Variants in MAP2 observed in about 807,000 individuals in gnomAD.
The protein encoded by MAP2 is microtubule associated protein 2.
A neutral mutation model predicts 137.6 loss-of-function variants in MAP2; 14 were observed. The ratio of observed to expected loss-of-function variants is 0.10; its 90% CI spans 0.07 to 0.16. MAP2 has a LOEUF of 0.16. Among genes scored for constraint, MAP2 ranks in the 10% least tolerant of loss-of-function variants. The probability of loss-of-function intolerance (pLI) is 1.00; values close to 1 mark genes in which losing one functional copy is unlikely to be tolerated. For missense variants in MAP2, 2,088 were observed against 2,191.5 expected (o/e 0.95, Z 0.94); for synonymous variants, 786 against 782.3 (o/e 1.00, Z -0.08).
Position 209,434,943 on chromosome 2 carries a change from G to GTTATATATATGTTATATATATA in MAP2, c.-222+10668_-222+10669insTATATATATGTTATATATATAT, listed in dbSNP as rs1559157760. On this transcript the variant is annotated intron_variant, in intron 1 of 15. Coordinates refer to ENST00000682079, the MANE Select transcript of MAP2 (RefSeq NM_001375505.1). Reference sequence around the variant, plus strand: ...TGTTATATATATATGTTATATATATGTGTTTTATATATATAAAGCAAATCA... The same window carrying GTTATATATATGTTATATATATA: ...TGTTATATATATATGTTATATATATGTTATATATATGTTATATATATATGTTTTATATATATAAAGCAAATCA... Among the ~76,000 whole-genome samples, 90 of 128,474 alleles carry GTTATATATATGTTATATATATA rather than the reference G, an allele frequency of 7.0e-4. 10 individuals carry two copies. The highest frequency in any genetic ancestry group is 2.6e-3 in the African/African-American group (84 of 32,378). 84.3% of individuals were successfully genotyped at this position (128,474 alleles called of 152,430 possible). A position where few individuals can be genotyped will look rare whatever the true frequency, so the allele number is the denominator to read the frequency against.
chr2:209,666,444 T>G (rs2046335656), intron 5 of MAP2, among the ~76,000 whole-genome samples: 1 of 152,070 alleles, frequency 6.6e-6, no homozygotes, highest in South Asian at 2.1e-4. Context: ...AGTAGAGGAA[T>G]AACAGTAGAG....
intron 5 of MAP2, among the ~76,000 whole-genome samples, chr2:209,672,033 T>C (rs2049056962): frequency 6.6e-6 from 1 of 151,916 alleles, no homozygotes; most frequent in African/African-American, 2.4e-5. Context: ...AACTTTAAAA[T>C]GCGCTAAAAG....
intron 2 of MAP2, among the ~76,000 whole-genome samples, chr2:209,572,436 A>C (rs2074550552): frequency 6.6e-6 from 1 of 152,158 alleles, no homozygotes; most frequent in Non-Finnish European, 1.5e-5. Context: ...GGTTTTATGT[A>C]TAAGGCATAG....
chr2:209,556,024 C>T (rs149586156), intron 2 of MAP2, among the ~76,000 whole-genome samples: 16 of 134,172 alleles, frequency 1.2e-4, no homozygotes, highest in South Asian at 4.6e-4. Context: ...GGCATTCTTT[C>T]TTTTTTTTTT....
At position 209,695,158 on chromosome 2, in the gene MAP2, T is replaced by C. The variant is rs1250239235; in HGVS notation, c.2988T>C (p.Tyr996=). The change falls in exon 8 of 16, where the codon TAT becomes TAC. Residue 996 remains tyrosine (Y), a synonymous_variant. Transcript: ENST00000682079. ...EIETFGLGVT[Y]EQALAKDLSI... ...AAACATTCGGATTAGGAGTAACCTA[T>C]GAGCAAGCTTTGGCCAAAGATTTGT... 8 of 1,614,054 alleles carry C rather than the reference T, an allele frequency of 5.0e-6. No homozygotes were observed. The highest frequency in any genetic ancestry group is 1.1e-5 in the South Asian group (1 of 91,084).
At chr2:209,550,806 C>A (rs2153285406) in intron 2 of MAP2, among the ~76,000 whole-genome samples, 1 of 152,236 alleles carries the variant, frequency 6.6e-6, no homozygotes. Flanking sequence ...TCATAATGTA[C>A]TTTCACTTGA....
At chr2:209,675,875 A>G (rs2153674713) in intron 5 of MAP2, among the ~76,000 whole-genome samples, 1 of 151,986 alleles carries the variant, frequency 6.6e-6, no homozygotes, top group East Asian at 1.9e-4. Context: ...CCCATTTAAG[A>G]AATACTGTTT....
At chr2:209,569,707 T>G (rs2074073238) in intron 2 of MAP2, among the ~76,000 whole-genome samples, 1 of 151,902 alleles carries the variant, frequency 6.6e-6, no homozygotes, top group Non-Finnish European at 1.5e-5. Flanking sequence ...GTGTTAACTT[T>G]TTTAATGGAC....
chr2:209,452,619 T>A (rs1700577342), intron 1 of MAP2, among the ~76,000 whole-genome samples: 1 of 152,178 alleles, frequency 6.6e-6, no homozygotes. Context: ...TAAAACCATA[T>A]TAAAGGATGG....
chr2:209,568,879 C>G (rs1016405394), intron 2 of MAP2, among the ~76,000 whole-genome samples: 22 of 151,802 alleles, frequency 1.4e-4, no homozygotes, highest in Non-Finnish European at 2.7e-4. Context: ...ATCTTCCGCA[C>G]TAATTCTCTT....
chr2:209,676,833 C>T (rs1431458665), intron 5 of MAP2, among the ~76,000 whole-genome samples: 2 of 146,058 alleles, frequency 1.4e-5, no homozygotes, highest in Non-Finnish European at 3.0e-5. Context: ...CCATAAATCA[C>T]TGGGGTGCTA....
At chr2:209,612,126 G>A (rs563967290) in intron 3 of MAP2, among the ~76,000 whole-genome samples, 1 of 152,284 alleles carries the variant, frequency 6.6e-6, no homozygotes, top group East Asian at 1.9e-4. Flanking sequence ...TTCATTTCAT[G>A]CAGCGCCTTT....
intron 2 of MAP2, among the ~76,000 whole-genome samples, chr2:209,558,850 T>C (rs1237843454): frequency 6.6e-6 from 1 of 152,068 alleles, no homozygotes; most frequent in Non-Finnish European, 1.5e-5. Flanking sequence ...TGGAAGTTCT[T>C]ATTTGCTTAC....
At chr2:209,433,609 A>G (rs1211582320) in intron 1 of MAP2, among the ~76,000 whole-genome samples, 1 of 152,132 alleles carries the variant, frequency 6.6e-6, no homozygotes, top group Non-Finnish European at 1.5e-5. Context: ...GATTAATTAT[A>G]TCTTCTAAAT....
At chr2:209,555,629 T>C (rs2070383708) in intron 2 of MAP2, among the ~76,000 whole-genome samples, 1 of 152,232 alleles carries the variant, frequency 6.6e-6, no homozygotes, top group Admixed American at 6.5e-5. Flanking sequence ...GCTTTATTTC[T>C]TTACTTCACA....
chr2:209,515,427 G>C (rs2062345129), intron 2 of MAP2, among the ~76,000 whole-genome samples: 1 of 152,068 alleles, frequency 6.6e-6, no homozygotes, highest in Non-Finnish European at 1.5e-5. Flanking sequence ...CTGCATGGCT[G>C]GGGAGGCCCC....
At chr2:209,658,424 A>G (rs890558299) in intron 5 of MAP2, among the ~76,000 whole-genome samples, 6 of 151,974 alleles carry the variant, frequency 3.9e-5, no homozygotes, top group Non-Finnish European at 7.4e-5. Flanking sequence ...TGGTGGTTCT[A>G]TGTTTCTGAC....
At chr2:209,453,743 G>T (rs1700824611) in intron 1 of MAP2, among the ~76,000 whole-genome samples, 1 of 150,266 alleles carries the variant, frequency 6.7e-6, no homozygotes, top group Non-Finnish European at 1.5e-5. Context: ...TCTTTACATA[G>T]ATGGGGTGTC....
chr2:209,676,720 C>CATATATATAT (rs56283066), intron 5 of MAP2, among the ~76,000 whole-genome samples: 9 of 71,822 alleles, frequency 1.3e-4, no homozygotes, highest in South Asian at 9.7e-4. Context: ...ACACAAAGGT[C>CATATATATAT]ATATATATAT....
Sources: allele counts gnomAD v4.1 joint callset (sites outside exome capture counted in the v4.1 genomes callset), GRCh38; gene constraint gnomAD v4.1.1; transcripts MANE v1.5; gene names NCBI Gene and HGNC (gene_info 2026-07-23, HGNC 2026-07-21).